Variants in TUT4 observed in about 807,000 individuals in gnomAD.
TUT4 encodes the protein terminal uridylyltransferase 4.
Under a neutral mutation model 192.2 loss-of-function variants are expected in TUT4, and 36 were observed. The observed-to-expected ratio is 0.19, with a 90% confidence interval of 0.14 to 0.25. TUT4 has a LOEUF of 0.25. Among genes scored for constraint, TUT4 ranks in the 10% least tolerant of loss-of-function variants. The probability of loss-of-function intolerance (pLI) is 1.00; values close to 1 mark genes in which losing one functional copy is unlikely to be tolerated. For missense variants in TUT4, 1,493 were observed against 1,957.2 expected (o/e 0.76, Z 4.47); for synonymous variants, 618 against 666.0 (o/e 0.93, Z 1.11).
Position 52,436,992 on chromosome 1 carries a change from T to C in TUT4, c.3939-14A>G, listed in dbSNP as rs367983064. 2.2e-5 allele frequency: 35 copies of C among 1,611,670 alleles called. No homozygotes were observed. Among genetic ancestry groups the C allele is most frequent in the Non-Finnish European group, 2.9e-5 (34 of 1,179,212 alleles). Reference sequence around the variant, plus strand: ...AACAGTAAACTGCTGATACCAATAATGTGGGGCTAGGGACTTGTAAATTAA... The same window carrying C: ...AACAGTAAACTGCTGATACCAATAACGTGGGGCTAGGGACTTGTAAATTAA... On this transcript the variant is annotated splice_polypyrimidine_tract_variant and intron_variant, in intron 25 of 29. Coordinates refer to ENST00000257177, the MANE Select transcript of TUT4 (RefSeq NM_001009881.3).
intron 24 of TUT4, among the ~76,000 whole-genome samples, chr1:52,445,511 T>C (rs549798962): frequency 1.3e-5 from 2 of 152,314 alleles, no homozygotes; most frequent in Admixed American, 1.3e-4. Flanking sequence ...CCAGACACTA[T>C]GTATGTACTG....
chr1:52,447,502 A>C (rs140196053), intron 20 of TUT4, among the ~76,000 whole-genome samples: 3 of 151,944 alleles, frequency 2.0e-5, no homozygotes, highest in Non-Finnish European at 4.4e-5. Context: ...AAAATTAGGA[A>C]GCTTTCCCTT....
chr1:52,552,864 G>A (rs1270726358), intron 1 of TUT4, 67 bp downstream of exon 1: 2 of 152,428 alleles, frequency 1.3e-5, no homozygotes, highest in African/African-American at 4.8e-5. Context: ...GCGAACCGGG[G>A]GCCGCCCGGC....
At chr1:52,435,911 GTCTCTCTCTC>G (rs143687198) in intron 26 of TUT4, among the ~76,000 whole-genome samples, 1 of 147,824 alleles carries the variant, frequency 6.8e-6, no homozygotes, top group Non-Finnish European at 1.5e-5. Flanking sequence ...CTCTCTCTAT[GTCTCTCTCTC>G]TCTCTCTCTC....
chr1:52,447,502 A>T (rs140196053), intron 20 of TUT4, among the ~76,000 whole-genome samples: 202 of 152,060 alleles, frequency 1.3e-3, no homozygotes, highest in African/African-American at 4.5e-3. Flanking sequence ...AAAATTAGGA[A>T]GCTTTCCCTT....
Position 52,423,570 on chromosome 1 carries a change from TAAAG to T in TUT4, c.*361_*364del, listed in dbSNP as rs1557601690. On this transcript the variant is annotated 3_prime_UTR_variant, in exon 30 of 30. Coordinates refer to ENST00000257177, the MANE Select transcript of TUT4 (RefSeq NM_001009881.3). ...AAGTATGAATACAGCTAATAGAAAA[TAAAG>T]AATGTAATTTTTTAAATTCTCTCTT... 1 of 296,042 alleles carries T rather than the reference TAAAG, an allele frequency of 3.4e-6. No homozygotes were observed. Among genetic ancestry groups the T allele is most frequent in the Non-Finnish European group, 6.6e-6 (1 of 151,798 alleles). 18.3% of individuals were successfully genotyped at this position (296,042 alleles called of 1,614,324 possible).
At chr1:52,497,982 A>T (rs1672879847) in intron 4 of TUT4, among the ~76,000 whole-genome samples, 1 of 152,150 alleles carries the variant, frequency 6.6e-6, no homozygotes, top group South Asian at 2.1e-4. Context: ...TTGAAACATG[A>T]CGCTCCCATC....
rs776075476 is a variant in TUT4 at position 52,499,358 on chromosome 1, A to T, written c.1000-2175T>A. ...GGTTACAGTGAGCCAAGATCGTGCCATTGCACTCCAGCCTGGACAACAGAG... is the reference window on the plus strand; with the variant it reads ...GGTTACAGTGAGCCAAGATCGTGCCTTTGCACTCCAGCCTGGACAACAGAG... On this transcript the variant is annotated intron_variant, in intron 4 of 29. Transcript: ENST00000257177. Among the ~76,000 whole-genome samples the T allele has an allele frequency of 2.6e-5, 4 of 152,212 alleles. No homozygotes were observed. The South Asian group carries it at 8.3e-4, about 32-fold the overall frequency.
chr1:52,465,241 T>C, intron 15 of TUT4, 68 bp from the exon 16 acceptor site: 1 of 1,060,248 alleles, frequency 9.4e-7, no homozygotes. Flanking sequence ...TGCTATCTGC[T>C]GATGACCTAA....
chr1:52,519,951 G>A (rs181647392), intron 2 of TUT4, among the ~76,000 whole-genome samples: 36 of 152,140 alleles, frequency 2.4e-4, no homozygotes, highest in East Asian at 3.9e-4. Flanking sequence ...CCCGGGAGGC[G>A]GTGGTTGAAG....
At chr1:52,484,394 C>T (rs1228104089) in intron 9 of TUT4, among the ~76,000 whole-genome samples, 1 of 150,596 alleles carries the variant, frequency 6.6e-6, no homozygotes, top group African/African-American at 2.4e-5. Flanking sequence ...AAATAACACA[C>T]AGTTTGTATA....
At chr1:52,435,171 G>T in intron 27 of TUT4, 194 bp downstream of exon 27, 1 of 394,552 alleles carries the variant, frequency 2.5e-6, no homozygotes, top group South Asian at 8.0e-5. Context: ...TAGCTTCTCT[G>T]TAGACAGAAA....
At chr1:52,453,029 C>A (rs1231684787) in intron 20 of TUT4, among the ~76,000 whole-genome samples, 1 of 152,138 alleles carries the variant, frequency 6.6e-6, no homozygotes, top group Non-Finnish European at 1.5e-5. Context: ...GGGAAAACCC[C>A]CCCAACACAT....
At chr1:52,475,960 T>C (rs1666982557) in intron 12 of TUT4, among the ~76,000 whole-genome samples, 1 of 152,154 alleles carries the variant, frequency 6.6e-6, no homozygotes, top group South Asian at 2.1e-4. Flanking sequence ...TTCTCCTGAC[T>C]CAGCCTCCGG....
chr1:52,551,022 T>TA (rs1332382433), intron 1 of TUT4, among the ~76,000 whole-genome samples: 1 of 152,190 alleles, frequency 6.6e-6, no homozygotes, highest in East Asian at 1.9e-4. Flanking sequence ...AAATTCTCTT[T>TA]AAACAGCTCT....
At chr1:52,432,369 C>G (rs1652365164) in intron 27 of TUT4, 1 of 152,018 alleles carries the variant, frequency 6.6e-6, no homozygotes, top group African/African-American at 2.4e-5. Context: ...GGTATGAAAA[C>G]ACATGGCTTT....
At chr1:52,465,356 A>C (rs756093652) in intron 15 of TUT4, among the ~76,000 whole-genome samples, 183 bp from the exon 16 acceptor site, 2 of 152,212 alleles carry the variant, frequency 1.3e-5, no homozygotes, top group Non-Finnish European at 2.9e-5. Flanking sequence ...CCAAGTTCCC[A>C]TACCCATGTA....
chr1:52,538,966 G>A (rs1309682565), intron 1 of TUT4, among the ~76,000 whole-genome samples: 1 of 152,012 alleles, frequency 6.6e-6, no homozygotes, highest in Non-Finnish European at 1.5e-5. Flanking sequence ...AAGGAATCCC[G>A]GAATTACAGA....
intron 13 of TUT4, among the ~76,000 whole-genome samples, chr1:52,474,274 C>T (rs114795591): frequency 0.01 from 1,546 of 152,196 alleles, 23 homozygotes; most frequent in African/African-American, 0.036. Context: ...GTTTGGATTC[C>T]TGTAATTCAT....
Sources: allele counts gnomAD v4.1 joint callset (sites outside exome capture counted in the v4.1 genomes callset), GRCh38; gene constraint gnomAD v4.1.1; transcripts MANE v1.5; gene names NCBI Gene and HGNC (gene_info 2026-07-23, HGNC 2026-07-21).